B3GALNT2: variants seen among roughly 807,000 people sequenced by gnomAD.
The protein encoded by B3GALNT2 is UDP-GalNAc:beta-1,3-N-acetylgalactosaminyltransferase 2.
B3GALNT2 carries 53 observed loss-of-function variants against 61.1 expected under a neutral mutation model. The ratio of observed to expected loss-of-function variants is 0.87; its 90% CI spans 0.70 to 1.09. The LOEUF (loss-of-function observed/expected upper bound fraction) is 1.09, where lower values mean the gene tolerates loss of function less well. B3GALNT2 is among the 50% of genes least tolerant of loss of function. The pLI, the probability that B3GALNT2 is intolerant of heterozygous loss-of-function variation, is 0.00. For synonymous variants in B3GALNT2, 223 were observed against 237.4 expected (o/e 0.94, Z 0.56); for missense variants, 544 against 623.0 (o/e 0.87, Z 1.35).
chr1:235,499,172 AAAC>A (rs1231226644), intron 1 of B3GALNT2, among the ~76,000 whole-genome samples: 1 of 152,236 alleles, frequency 6.6e-6, no homozygotes, highest in East Asian at 1.9e-4. Context: ...TCATATCATT[AAAC>A]ATTATTCTAT....
At chr1:235,492,074 C>T (rs2102858485) in intron 2 of B3GALNT2, among the ~76,000 whole-genome samples, 1 of 152,220 alleles carries the variant, frequency 6.6e-6, no homozygotes. Flanking sequence ...TGTATTCTAC[C>T]ACACATACTA....
At chr1:235,441,496 C>T in the B3GALNT2 span, 1 of 319,580 alleles carries the variant, frequency 3.1e-6, no homozygotes, top group African/African-American at 2.1e-5. Flanking sequence ...TGAGTCAGGA[C>T]ACCTAAGGAA....
chr1:235,457,608 T>C (rs568791173), intron 8 of B3GALNT2, among the ~76,000 whole-genome samples: 8 of 152,320 alleles, frequency 5.3e-5, no homozygotes, highest in Admixed American at 1.3e-4. Flanking sequence ...TGGGAAATTA[T>C]AAATATGATA....
At position 235,504,440 on chromosome 1, in the gene B3GALNT2, G is replaced by T; in HGVS notation, c.-188C>A. The T allele has an allele frequency of 7.0e-6, 4 of 571,262 alleles. No individual in the cohort carries two copies. Among genetic ancestry groups the T allele is most frequent in the Non-Finnish European group, 8.2e-6 (3 of 363,918 alleles). The allele number at this position is 571,262 out of a possible 1,614,324, so 35.4% of individuals were successfully genotyped here. On this transcript the variant is annotated 5_prime_UTR_variant, in exon 1 of 12. Transcript: ENST00000366600. ...GCTCCTCCGGTCCCTCAGACCGCGG[G>T]TGGCCGCGGCTTAGCCGGCCGAAGC...
At chr1:235,504,005 G>A (rs993475332) in intron 1 of B3GALNT2, 136 bp downstream of exon 1, 2 of 970,050 alleles carry the variant, frequency 2.1e-6, no homozygotes, top group Non-Finnish European at 2.6e-6. Context: ...GATGAAAAGA[G>A]CCGTTTGTTT....
Position 235,451,886 on chromosome 1 carries a change from A to G in B3GALNT2, c.1368+1204T>C, listed in dbSNP as rs1251052430. The G allele has an allele frequency of 6.7e-5, 10 of 150,228 alleles. No homozygotes were observed. In the South Asian group the frequency reaches 1.7e-3, roughly 25 times the overall value. The allele number at this position is 150,228 out of a possible 1,614,324, so 9.3% of individuals were successfully genotyped here. ...TTTCCATTTTGGTCTCTGCAGATTCATTTTTTTTTCTGGTTCAGCAATACT... is the reference window on the plus strand; with the variant it reads ...TTTCCATTTTGGTCTCTGCAGATTCGTTTTTTTTTCTGGTTCAGCAATACT... On this transcript the variant is annotated intron_variant, in intron 11 of 11. Coordinates refer to ENST00000366600, the MANE Select transcript of B3GALNT2 (RefSeq NM_152490.5).
At position 235,448,738 on chromosome 1, in the gene B3GALNT2, A is replaced by C. The variant is rs1429393069; in HGVS notation, c.*1468T>G. 6.2e-7 allele frequency: 1 copy of C among 1,613,726 alleles called. No individual in the cohort carries two copies. The highest frequency in any genetic ancestry group is 1.7e-5 in the Admixed American group (1 of 60,002). Reference sequence around the variant, plus strand: ...TACAGTTTTATTCTGTGGAAAATGGAGATTGTCTATTAGTGCGATGGTGAC... The same window carrying C: ...TACAGTTTTATTCTGTGGAAAATGGCGATTGTCTATTAGTGCGATGGTGAC... On this transcript the variant is annotated 3_prime_UTR_variant, in exon 12 of 12. Transcript: ENST00000366600.
chr1:235,458,553 A>T (rs1683271557), intron 8 of B3GALNT2, 50 bp downstream of exon 8: 1 of 1,533,176 alleles, frequency 6.5e-7, no homozygotes. Context: ...CAAAAAAAAA[A>T]AAACTAACAA....
the B3GALNT2 span, among the ~76,000 whole-genome samples, chr1:235,440,140 T>C: frequency 6.6e-6 from 1 of 151,996 alleles, no homozygotes; most frequent in African/African-American, 2.4e-5. Flanking sequence ...CCGGCTAATT[T>C]TTTGTATTTT....
chr1:235,460,314 ATTGT>A (rs1190433338), intron 7 of B3GALNT2, among the ~76,000 whole-genome samples: 14 of 145,204 alleles, frequency 9.6e-5, no homozygotes, highest in African/African-American at 3.1e-4. Flanking sequence ...AATTGTAAAA[ATTGT>A]TTGTAACAAG....
intron 4 of B3GALNT2, among the ~76,000 whole-genome samples, chr1:235,482,861 AC>A (rs1266383596): frequency 6.6e-6 from 1 of 151,726 alleles, no homozygotes; most frequent in Non-Finnish European, 1.5e-5. Flanking sequence ...AAACCAAAAA[AC>A]CCCCCAAAAT....
intron 11 of B3GALNT2, chr1:235,450,686 C>G (rs1052194842): frequency 4.4e-6 from 1 of 229,592 alleles, no homozygotes; most frequent in African/African-American, 2.2e-5. Context: ...AGCTATTATT[C>G]TGATGGAATG....
At chr1:235,501,201 T>G (rs1299034752) in intron 1 of B3GALNT2, among the ~76,000 whole-genome samples, 4 of 152,254 alleles carry the variant, frequency 2.6e-5, no homozygotes, top group African/African-American at 9.6e-5. Flanking sequence ...AGATATCCTA[T>G]GTTTAGATTC....
At chr1:235,474,985 ATATTTTTTT>A (rs1369626138) in intron 5 of B3GALNT2, among the ~76,000 whole-genome samples, 14 of 37,780 alleles carry the variant, frequency 3.7e-4, no homozygotes, top group African/African-American at 1.3e-3. Context: ...ATATATATAT[ATATTTTTTT>A]TTTTTTTTTT....
chr1:235,502,106 A>G (rs915185496), intron 1 of B3GALNT2, among the ~76,000 whole-genome samples: 1 of 152,114 alleles, frequency 6.6e-6, no homozygotes, highest in Non-Finnish European at 1.5e-5. Flanking sequence ...TCCGCCTCCG[A>G]GGTTCAAGTG....
chr1:235,501,817 G>T (rs1342465314), intron 1 of B3GALNT2, among the ~76,000 whole-genome samples: 3 of 151,308 alleles, frequency 2.0e-5, no homozygotes, highest in Non-Finnish European at 2.9e-5. Context: ...AAAATCTTGG[G>T]TTTTTTTTTC....
chr1:235,499,670 T>C (rs916380724), intron 1 of B3GALNT2, among the ~76,000 whole-genome samples: 5 of 152,198 alleles, frequency 3.3e-5, no homozygotes, highest in Non-Finnish European at 5.9e-5. Flanking sequence ...CAGGAGAAAG[T>C]GCCCATTTCT....
chr1:235,488,692 C>CAAAAA (rs11436508), intron 3 of B3GALNT2, among the ~76,000 whole-genome samples: 9 of 37,970 alleles, frequency 2.4e-4, no homozygotes, highest in Admixed American at 5.2e-4. Context: ...ACTCCATCTC[C>CAAAAA]AAAAAAAAAA....
At chr1:235,443,106 T>C, downstream of B3GALNT2, 1 of 612,124 alleles carries the variant, frequency 1.6e-6, no homozygotes, top group Non-Finnish European at 2.9e-6. Context: ...AGTTCAGGTC[T>C]CCCCTAACTT....
Sources: gnomAD v4.1 joint callset for allele counts (sites outside exome capture counted in the v4.1 genomes callset) on GRCh38, gnomAD v4.1.1 for gene constraint, MANE v1.5 for transcripts, NCBI Gene and HGNC (gene_info 2026-07-23, HGNC 2026-07-21) for gene names.